The following EP300 variants were observed in gnomAD, a reference collection of about 807,000 sequenced individuals.
The protein encoded by EP300 is EP300 lysine acetyltransferase.
Under a neutral mutation model 264.0 loss-of-function variants are expected in EP300, and 31 were observed. The observed-to-expected ratio is 0.12, with a 90% CI of 0.09 to 0.16. The LOEUF is 0.16. Ranked by LOEUF, EP300 falls within the 10% of genes least tolerant of loss-of-function variation. The probability of loss-of-function intolerance (pLI) is 1.00; values close to 1 mark genes in which losing one functional copy is unlikely to be tolerated. For missense variants in EP300, 2,766 were observed against 3,052.9 expected, an observed-to-expected ratio of 0.91 and a Z score of 2.21; for synonymous variants, 1,340 against 1,045.4, an observed-to-expected ratio of 1.28 and a Z score of -5.44.
At chr22:41,145,412 C>T (rs2059005054) in intron 10 of EP300, among the ~76,000 whole-genome samples, 1 of 152,178 alleles carries the variant, frequency 6.6e-6, no homozygotes, top group Non-Finnish European at 1.5e-5. Context: ...TGGACATCTC[C>T]TTAGAAGAGC....
chr22:41,128,474 TG>T (rs2145711356), intron 4 of EP300, among the ~76,000 whole-genome samples: 1 of 152,010 alleles, frequency 6.6e-6, no homozygotes, highest in Non-Finnish European at 1.5e-5. Flanking sequence ...AAAAAAACAG[TG>T]TACATATGTG....
chr22:41,148,070 T>G (rs1269627405), intron 12 of EP300, 124 bp downstream of exon 12: 6 of 737,564 alleles, frequency 8.1e-6, no homozygotes, highest in Non-Finnish European at 1.3e-5. Context: ...TCTTCTGTAA[T>G]TCTTCTGTAT....
intron 1 of EP300, among the ~76,000 whole-genome samples, chr22:41,099,939 CAT>C (rs2058722039): frequency 6.6e-6 from 1 of 152,130 alleles, no homozygotes; most frequent in South Asian, 2.1e-4. Context: ...CAGTTTAAAA[CAT>C]TGTTGTGGCT....
chr22:41,144,549 G>A (rs1453443820), intron 10 of EP300, among the ~76,000 whole-genome samples: 1 of 151,688 alleles, frequency 6.6e-6, no homozygotes, highest in Non-Finnish European at 1.5e-5. Context: ...TAGAAACAGG[G>A]TTTCTGTATG....
intron 1 of EP300, among the ~76,000 whole-genome samples, chr22:41,110,760 T>C (rs1216393232): frequency 6.6e-6 from 1 of 152,042 alleles, no homozygotes; most frequent in Non-Finnish European, 1.5e-5. Context: ...GTGTATACTT[T>C]AGAATCATCT....
rs558982627 is a variant in EP300, at chr22:41,177,042, C to G, written c.5331C>G (p.Gly1777=). 9 of 1,614,126 alleles carry G rather than the reference C, an allele frequency of 5.6e-6. No individual in the cohort carries two copies. Among genetic ancestry groups the G allele is most frequent in the Middle Eastern group, 1.6e-4 (1 of 6,062 alleles). ...HTKGCKRKTN[G]GCPICKQLIA... is the part of the protein sequence containing the mutation. ...AGGGTTGCAAACGGAAAACCAATGG[C>G]GGGTGCCCCATCTGCAAGCAGCTCA... Residue 1777 remains glycine (G), a synonymous_variant, in exon 31 of 31, where the codon GGC becomes GGG. Coordinates refer to ENST00000263253, the MANE Select transcript of EP300 (RefSeq NM_001429.4).
intron 19 of EP300, chr22:41,159,940 C>T (rs999592192): frequency 6.0e-5 from 9 of 148,976 alleles, no homozygotes; most frequent in African/African-American, 2.2e-4. Flanking sequence ...TTCCAAAGTG[C>T]TAGGATTATA....
chr22:41,177,758 T>G lies in EP300; in HGVS notation c.6047T>G (p.Met2016Arg), dbSNP rs2059210790. The G allele has an allele frequency of 6.2e-7, 1 of 1,613,964 alleles. No homozygotes were observed. The highest frequency in any genetic ancestry group is 1.3e-5 in the African/African-American group (1 of 75,034). Residue 2016 changes from methionine to arginine, a missense_variant, in exon 31 of 31, where the codon ATG becomes AGG. Physicochemically the swap from Met to Arg is moderately conservative, Grantham distance 91 (BLOSUM62 -1). Coordinates refer to ENST00000263253, the MANE Select transcript of EP300 (RefSeq NM_001429.4). ...LQSGMPRPAM[M>R]SVAQHGQPLN... ...TCTGGGATGCCAAGGCCAGCCATGATGTCAGTGGCCCAGCATGGTCAACCT... is the reference window on the plus strand; with the variant it reads ...TCTGGGATGCCAAGGCCAGCCATGAGGTCAGTGGCCCAGCATGGTCAACCT...
intron 8 of EP300, among the ~76,000 whole-genome samples, chr22:41,138,861 A>T (rs532781229): frequency 6.6e-6 from 1 of 152,178 alleles, no homozygotes; most frequent in Non-Finnish European, 1.5e-5. Flanking sequence ...TGTTATGTCA[A>T]ACTACCAATT....
chr22:41,133,755 TC>T lies in EP300; in HGVS notation c.1529-2057del, dbSNP rs1178551967. Among the ~76,000 whole-genome samples, 4 of 152,224 alleles carry T rather than the reference TC, an allele frequency of 2.6e-5. No individual in the cohort carries two copies. The South Asian group carries it at 6.2e-4, about 24-fold the overall frequency. The stretch of plus-strand genomic sequence containing the variant: ...TGAATTAATCTTCAGGACATTTTTT[TC>T]TTTCTGTTTTTCTTTACTATATAAT... On this transcript the variant is annotated intron_variant, in intron 6 of 30. Transcript: ENST00000263253.
rs2059136198 is a variant in EP300 at position 41,166,660 on chromosome 22, G to A, written c.3868G>A (p.Ala1290Thr). 6.2e-7 allele frequency: 1 copy of A among 1,610,212 alleles called. No homozygotes were observed. Among genetic ancestry groups the A allele is most frequent in the Non-Finnish European group, 8.5e-7 (1 of 1,177,808 alleles). The change falls in exon 23 of 31, where the codon GCT becomes ACT. Residue 1290 changes from alanine (A) to threonine (T), a missense_variant. Physicochemically the swap from Ala to Thr is moderately conservative, Grantham distance 58 (BLOSUM62 0). Transcript: ENST00000263253. ...AACTAGGAAAGAAAATAAGTTTTCT[G>A]CTAAAAGTAAGTTTTATTCTTAAAG... ...ARTRKENKFS[A>T]KRLPSTRLGT...
intron 5 of EP300, among the ~76,000 whole-genome samples, chr22:41,131,108 G>T (rs2058916478): frequency 1.3e-5 from 2 of 152,184 alleles, no homozygotes; most frequent in African/African-American, 4.8e-5. Context: ...CAGTTGAATG[G>T]CTCCAAAGCA....
At chr22:41,106,619 A>C (rs963457515) in intron 1 of EP300, among the ~76,000 whole-genome samples, 3 of 152,094 alleles carry the variant, frequency 2.0e-5, no homozygotes, top group Non-Finnish European at 2.9e-5. Flanking sequence ...CTCTTTAAAA[A>C]CATTAAGTGT....
In EP300 at chr22:41,178,326, G is replaced by T; in HGVS notation, c.6615G>T (p.Met2205Ile). 2 of 1,614,124 alleles carry T rather than the reference G, an allele frequency of 1.2e-6. No individual in the cohort carries two copies. Among genetic ancestry groups the T allele is most frequent in the Admixed American group, 3.3e-5 (2 of 60,024 alleles). ...QGAGPGIGPG[M>I]ANHNQFQQPQ... is the part of the protein sequence containing the mutation. ...CAGGGCCAGGAATAGGCCCTGGAAT[G>T]GCCAACCATAACCAGTTCCAGCAAC... The change falls in exon 31 of 31, where the codon ATG becomes ATT. Residue 2205 changes from methionine to isoleucine, a missense_variant. Physicochemically the swap from Met to Ile is conservative, Grantham distance 10. Transcript: ENST00000263253.
At chr22:41,162,224 T>C (rs1184392862) in intron 20 of EP300, among the ~76,000 whole-genome samples, 3 of 152,170 alleles carry the variant, frequency 2.0e-5, no homozygotes, top group Non-Finnish European at 4.4e-5. Flanking sequence ...AGGCCATAAC[T>C]AGTATAAGAA....
chr22:41,174,203 G>C (rs1225559483), intron 29 of EP300, among the ~76,000 whole-genome samples: 1 of 152,146 alleles, frequency 6.6e-6, no homozygotes, highest in Non-Finnish European at 1.5e-5. Context: ...GGTTGAGGCA[G>C]GCGGATCACT....
At chr22:41,121,113 G>A (rs1414291026) in intron 2 of EP300, among the ~76,000 whole-genome samples, 1 of 152,168 alleles carries the variant, frequency 6.6e-6, no homozygotes, top group Non-Finnish European at 1.5e-5. Context: ...AGATGTGCCT[G>A]GGCAACATAA....
Position 41,178,757 on chromosome 22 carries a change from C to T in EP300, c.7046C>T (p.Pro2349Leu). 1.2e-6 allele frequency: 2 copies of T among 1,614,186 alleles called. No homozygotes were observed. The highest frequency in any genetic ancestry group is 8.5e-7 in the Non-Finnish European group (1 of 1,180,030). ...TCCCCACAGACAAGTTCCCCACATC[C>T]TGGACTGGTAGCTGCCCAGGCCAAC... ...HVSPQTSSPH[P>L]GLVAAQANPM... The change falls in exon 31 of 31, where the codon CCT (proline) becomes CTT (leucine). Residue 2349 changes from proline (P) to leucine (L), a missense_variant. Pro to Leu is a moderately conservative substitution (Grantham distance 98). Transcript: ENST00000263253.
At chr22:41,116,324 G>A (rs143560555) in intron 1 of EP300, among the ~76,000 whole-genome samples, 12 of 152,074 alleles carry the variant, frequency 7.9e-5, no homozygotes, top group African/African-American at 2.9e-4. Context: ...CCATCAATCC[G>A]TCATCTACAT....
Sources: gnomAD v4.1 joint callset for allele counts (sites outside exome capture counted in the v4.1 genomes callset) on GRCh38, gnomAD v4.1.1 for gene constraint, MANE v1.5 for transcripts, NCBI Gene and HGNC (gene_info 2026-07-23, HGNC 2026-07-21) for gene names.